RNF125: variants seen among roughly 807,000 people sequenced by gnomAD.
RNF125 encodes E3 ubiquitin-protein ligase RNF125.
In RNF125, 21 loss-of-function variants were observed where a neutral mutation model predicts 26.0. The observed-to-expected ratio is 0.81, with a 90% CI of 0.57 to 1.16. RNF125 has a LOEUF of 1.16. RNF125 is among the 50% of genes most tolerant of loss of function. The pLI is 0.00. For synonymous variants in RNF125, 95 were observed against 109.2 expected, an observed-to-expected ratio of 0.87 and a Z score of 0.81; for missense variants, 270 against 299.4, an observed-to-expected ratio of 0.90 and a Z score of 0.72.
chr18:32,063,395 G>A (rs1331841289), intron 4 of RNF125, among the ~76,000 whole-genome samples: 1 of 151,940 alleles, frequency 6.6e-6, no homozygotes, highest in Non-Finnish European at 1.5e-5. Context: ...TAACAAAATG[G>A]CTCAAATAAA....
the RNF125 span, among the ~76,000 whole-genome samples, chr18:32,089,736 C>T: frequency 6.6e-6 from 1 of 152,126 alleles, no homozygotes. Flanking sequence ...TACCGAATGA[C>T]TTATTAGAAT....
chr18:32,058,459 C>T, intron 4 of RNF125, among the ~76,000 whole-genome samples: 1 of 151,998 alleles, frequency 6.6e-6, no homozygotes, highest in East Asian at 1.9e-4. Context: ...GATTCTCCTG[C>T]CTCAGCCTCC....
At chr18:32,026,434 A>G (rs1231226250) in intron 1 of RNF125, among the ~76,000 whole-genome samples, 4 of 151,764 alleles carry the variant, frequency 2.6e-5, no homozygotes, top group Non-Finnish European at 5.9e-5. Flanking sequence ...TTTTTAGTAG[A>G]GAAGAGGTTT....
At chr18:32,026,633 G>C (rs936225832) in intron 1 of RNF125, among the ~76,000 whole-genome samples, 8 of 151,972 alleles carry the variant, frequency 5.3e-5, no homozygotes, top group Non-Finnish European at 1.0e-4. Flanking sequence ...CCCTCTTTAG[G>C]GGGTACCCAC....
chr18:32,067,953 C>G (rs76897747), intron 5 of RNF125, among the ~76,000 whole-genome samples: 4,514 of 152,228 alleles, frequency 0.03, 232 homozygotes, highest in African/African-American at 0.1. Flanking sequence ...TGTGGGGGAG[C>G]CTGAACTTTG....
intron 1 of RNF125, among the ~76,000 whole-genome samples, chr18:32,030,745 T>C (rs1051496564): frequency 1.3e-5 from 2 of 152,208 alleles, no homozygotes; most frequent in African/African-American, 4.8e-5. Context: ...CAGCTCACAG[T>C]TCTGGAGGCT....
intron 4 of RNF125, among the ~76,000 whole-genome samples, chr18:32,052,590 T>G (rs1421531465): frequency 6.6e-6 from 1 of 152,162 alleles, no homozygotes; most frequent in Non-Finnish European, 1.5e-5. Context: ...TTTTTTCTTC[T>G]TTGGGTATTG....
intron 2 of RNF125, among the ~76,000 whole-genome samples, chr18:32,040,394 C>A (rs775247541): frequency 2.0e-5 from 3 of 151,042 alleles, no homozygotes; most frequent in Middle Eastern, 3.2e-3. Flanking sequence ...GTCTCAGCCT[C>A]CCAAGTAGCT....
the RNF125 span, among the ~76,000 whole-genome samples, chr18:32,087,620 G>A: frequency 6.6e-6 from 1 of 151,662 alleles, no homozygotes; most frequent in Admixed American, 6.6e-5. Flanking sequence ...GGTAAAATAT[G>A]GTTAGAGTTT....
chr18:32,073,651 T>C (rs550369783), downstream of RNF125, among the ~76,000 whole-genome samples: 15 of 152,280 alleles, frequency 9.9e-5, no homozygotes, highest in African/African-American at 3.6e-4. Flanking sequence ...CCATACTAAG[T>C]TTTGAATGGC....
chr18:32,068,292 T>C lies in RNF125; in HGVS notation c.613-6T>C. On this transcript the variant is annotated splice_polypyrimidine_tract_variant and splice_region_variant and intron_variant, in intron 5 of 5. Transcript: ENST00000217740. ...GAATATTTCTAATTATTTTTCTTTA[T>C]TGTAGGATTTTAATATAATTGAGGA... The C allele has an allele frequency of 6.8e-7, 1 of 1,463,150 alleles. No individual in the cohort carries two copies. Among genetic ancestry groups the C allele is most frequent in the Non-Finnish European group, 9.6e-7 (1 of 1,045,298 alleles). 90.6% of individuals were successfully genotyped at this position (1,463,150 alleles called of 1,614,324 possible).
intron 3 of RNF125, among the ~76,000 whole-genome samples, chr18:32,044,070 A>C (rs779137001): frequency 2.0e-5 from 3 of 151,406 alleles, no homozygotes; most frequent in Non-Finnish European, 4.4e-5. Flanking sequence ...GCAGCAGCGC[A>C]ATCTTGGCTC....
At chr18:32,087,023 A>G in the RNF125 span, among the ~76,000 whole-genome samples, 4 of 152,118 alleles carry the variant, frequency 2.6e-5, no homozygotes, top group African/African-American at 9.7e-5. Flanking sequence ...CCTTTTGGTC[A>G]TAACTGAGTC....
At position 32,024,189 on chromosome 18, in the gene RNF125, ATTCTTTTTTTTTTTTTT is replaced by A. The variant is rs1192036293; in HGVS notation, c.164+5177_164+5193del. 5.3e-5 allele frequency among the ~76,000 whole-genome samples: 7 copies of A among 132,788 alleles called. No individual in the cohort carries two copies. The South Asian group carries it at 1.2e-3, about 22-fold the overall frequency. The allele number at this position is 132,788 out of a possible 152,430, so 87.1% of individuals were successfully genotyped here. On this transcript the variant is annotated intron_variant, in intron 1 of 5. Coordinates refer to ENST00000217740, the MANE Select transcript of RNF125 (RefSeq NM_017831.4). ...TAACAAAAAAATCACACTTCATGCCATTCTTTTTTTTTTTTTTTTCTTTTTTTTTTTAAGATGGAGTC... is the reference window on the plus strand; with the variant it reads ...TAACAAAAAAATCACACTTCATGCCATTCTTTTTTTTTTTAAGATGGAGTC...
chr18:32,056,261 T>C (rs1412111092), intron 4 of RNF125, among the ~76,000 whole-genome samples: 1 of 152,002 alleles, frequency 6.6e-6, no homozygotes, highest in Non-Finnish European at 1.5e-5. Flanking sequence ...CTCGTAAATC[T>C]AGACTGTTAT....
At chr18:32,075,140 A>G (rs969057392), downstream of RNF125, among the ~76,000 whole-genome samples, 1 of 152,132 alleles carries the variant, frequency 6.6e-6, no homozygotes, top group Non-Finnish European at 1.5e-5. Context: ...GAAGTCATTG[A>G]TATGTATGCC....
At chr18:32,040,171 C>G (rs1598814794) in intron 2 of RNF125, among the ~76,000 whole-genome samples, 2 of 152,152 alleles carry the variant, frequency 1.3e-5, no homozygotes, top group East Asian at 3.9e-4. Flanking sequence ...TTTGCCCTCT[C>G]CATGTTGCAC....
intron 4 of RNF125, among the ~76,000 whole-genome samples, chr18:32,060,889 A>G (rs574187628): frequency 2.5e-4 from 38 of 152,328 alleles, no homozygotes; most frequent in Middle Eastern, 3.4e-3. Context: ...CAGACTAACA[A>G]TGGCTTGCAC....
intron 2 of RNF125, among the ~76,000 whole-genome samples, chr18:32,039,731 C>T (rs780365734): frequency 6.6e-6 from 1 of 151,440 alleles, no homozygotes; most frequent in Non-Finnish European, 1.5e-5. Flanking sequence ...CCCCCTCCCC[C>T]ATTATCTGAT....
Sources: allele counts gnomAD v4.1 joint callset (sites outside exome capture counted in the v4.1 genomes callset), GRCh38; gene constraint gnomAD v4.1.1; transcripts MANE v1.5; gene names NCBI Gene and HGNC (gene_info 2026-07-23, HGNC 2026-07-21).